The following DIS3L2 variants were observed in gnomAD, a reference collection of about 807,000 sequenced individuals.
DIS3L2 encodes DIS3 like 3'-5' exoribonuclease 2.
Under a neutral mutation model 97.5 loss-of-function variants are expected in DIS3L2, and 34 were observed. That is an observed-to-expected ratio of 0.35 (90% CI 0.27 to 0.46). The LOEUF (loss-of-function observed/expected upper bound fraction) is 0.46, where lower values mean the gene tolerates loss of function less well. DIS3L2 is among the 20% of genes least tolerant of loss of function. DIS3L2 has a pLI of 1.00. For missense variants in DIS3L2, 1,038 were observed against 1,146.0 expected (o/e 0.91, Z 1.36); for synonymous variants, 435 against 445.2 (o/e 0.98, Z 0.29).
intron 3 of DIS3L2, among the ~76,000 whole-genome samples, chr2:232,016,575 G>A (rs1218573046): frequency 6.6e-6 from 1 of 152,104 alleles, no homozygotes; most frequent in Non-Finnish European, 1.5e-5. Flanking sequence ...TGAGTGATAT[G>A]TGTGTGGGAG....
chr2:231,972,322 T>C (rs545360879), intron 1 of DIS3L2, among the ~76,000 whole-genome samples: 1 of 152,358 alleles, frequency 6.6e-6, no homozygotes, highest in Admixed American at 6.5e-5. Flanking sequence ...TAATTGTATC[T>C]GCCATACTTT....
At chr2:232,133,880 G>A (rs1018936060) in intron 7 of DIS3L2, among the ~76,000 whole-genome samples, 32 of 150,638 alleles carry the variant, frequency 2.1e-4, no homozygotes, top group Non-Finnish European at 3.0e-5. Flanking sequence ...CCCAGCTACT[G>A]GGGAGGCTGA....
intron 13 of DIS3L2, among the ~76,000 whole-genome samples, chr2:232,288,674 G>A (rs1343065012): frequency 6.6e-6 from 1 of 152,222 alleles, no homozygotes; most frequent in Non-Finnish European, 1.5e-5. Flanking sequence ...CAAGAATACA[G>A]CCAGCTTGAT....
At chr2:232,219,413 G>T (rs1252190714) in intron 10 of DIS3L2, among the ~76,000 whole-genome samples, 1 of 152,048 alleles carries the variant, frequency 6.6e-6, no homozygotes, top group Non-Finnish European at 1.5e-5. Flanking sequence ...CCTTTTTCTG[G>T]TTCTTGCCTT....
chr2:232,337,230 G>C (rs143958456), downstream of DIS3L2: 3 of 898,132 alleles, frequency 3.3e-6, no homozygotes, highest in East Asian at 1.1e-4. Context: ...GAATGTGACT[G>C]TGTCTGACGA....
intron 5 of DIS3L2, among the ~76,000 whole-genome samples, chr2:232,076,981 T>A (rs1696208496): frequency 1.3e-5 from 2 of 152,196 alleles, no homozygotes. Context: ...CCCCTTAAAA[T>A]GCTGACATCA....
At chr2:232,342,225 A>G (rs1486246994) in intron 13 of DIS3L2, among the ~76,000 whole-genome samples, 2 of 148,606 alleles carry the variant, frequency 1.3e-5, no homozygotes, top group Non-Finnish European at 3.0e-5. Context: ...ATATACACAT[A>G]CATATATACA....
chr2:232,257,498 A>T (rs926323979), intron 12 of DIS3L2, among the ~76,000 whole-genome samples: 3 of 151,488 alleles, frequency 2.0e-5, no homozygotes, highest in Admixed American at 6.6e-5. Flanking sequence ...AATCCACTCC[A>T]CCTCCCTCCC....
intron 5 of DIS3L2, among the ~76,000 whole-genome samples, chr2:232,033,959 G>T (rs1694882956): frequency 6.6e-6 from 1 of 152,146 alleles, no homozygotes; most frequent in African/African-American, 2.4e-5. Flanking sequence ...CTGGGTTTTG[G>T]TATCAGGATG....
chr2:232,280,560 C>G (rs1024472127), intron 13 of DIS3L2, among the ~76,000 whole-genome samples: 3 of 152,296 alleles, frequency 2.0e-5, no homozygotes, highest in Non-Finnish European at 4.4e-5. Flanking sequence ...TTATAGTCAA[C>G]AAGGCAGCTT....
rs938583440 is a variant in DIS3L2 at position 232,292,185 on chromosome 2, A to G, written c.1660-7855A>G. On this transcript the variant is annotated intron_variant, in intron 13 of 20. Transcript: ENST00000325385. This position sits in a 1 kb window ranked among gnomAD's most constrained non-coding sequence, Gnocchi z 4.4. ...CTGTCTTCACCAGGCTGGGATCCAA[A>G]ATAAGGTCACATATCTTTTAATAGT... Among the ~76,000 whole-genome samples, 4 of 152,140 alleles carry G rather than the reference A, an allele frequency of 2.6e-5. No individual in the cohort carries two copies. Among genetic ancestry groups the G allele is most frequent in the African/African-American group, 9.7e-5 (4 of 41,420 alleles).
intron 5 of DIS3L2, among the ~76,000 whole-genome samples, chr2:232,080,586 T>C (rs1032876722): frequency 2.0e-5 from 3 of 152,080 alleles, no homozygotes; most frequent in Non-Finnish European, 4.4e-5. Context: ...TCTCCTCCTT[T>C]TTTTCCCTTT....
chr2:232,155,694 T>C (rs1017282869), intron 8 of DIS3L2, among the ~76,000 whole-genome samples: 8 of 152,194 alleles, frequency 5.3e-5, no homozygotes, highest in South Asian at 2.1e-4. Context: ...AGATGAGGAA[T>C]AGAAAATGTT....
At chr2:232,221,787 G>A (rs1355220344) in intron 10 of DIS3L2, among the ~76,000 whole-genome samples, 1 of 152,044 alleles carries the variant, frequency 6.6e-6, no homozygotes, top group African/African-American at 2.4e-5. Flanking sequence ...GGTGACAAGA[G>A]TGAAACTCCG....
At chr2:232,209,541 G>T (rs996290300) in intron 9 of DIS3L2, among the ~76,000 whole-genome samples, 2 of 152,180 alleles carry the variant, frequency 1.3e-5, no homozygotes, top group African/African-American at 4.8e-5. Context: ...CTAGAGTGTG[G>T]CATGGGGGCA....
chr2:232,018,483 C>A (rs1203551868), intron 3 of DIS3L2, among the ~76,000 whole-genome samples: 1 of 152,132 alleles, frequency 6.6e-6, no homozygotes, highest in Non-Finnish European at 1.5e-5. Flanking sequence ...GGCAGAGAAA[C>A]AGAGTCCATC....
At chr2:232,017,741 C>T (rs922331985) in intron 3 of DIS3L2, among the ~76,000 whole-genome samples, 1 of 152,172 alleles carries the variant, frequency 6.6e-6, no homozygotes, top group African/African-American at 2.4e-5. Flanking sequence ...GCTTGGAATG[C>T]TTTCTCCTGC....
intron 5 of DIS3L2, among the ~76,000 whole-genome samples, chr2:232,054,524 A>G (rs980203973): frequency 1.3e-5 from 2 of 152,216 alleles, no homozygotes; most frequent in African/African-American, 4.8e-5. Context: ...TCATTAGGGA[A>G]AGAACAACCA....
rs986106791 is a variant in DIS3L2 at position 232,161,205 on chromosome 2, C to T, written c.951-2254C>T. Among the ~76,000 whole-genome samples, 9 of 152,190 alleles carry T rather than the reference C, an allele frequency of 5.9e-5. No homozygotes were observed. In the South Asian group the frequency reaches 6.2e-4, roughly 11 times the overall value. Reference sequence around the variant, plus strand: ...TGCTGGGATTACAGGCGTGAGCCACCGCGCCCAGCCTATTTGTTCATTTTC... The same window carrying T: ...TGCTGGGATTACAGGCGTGAGCCACTGCGCCCAGCCTATTTGTTCATTTTC... On this transcript the variant is annotated intron_variant, in intron 8 of 20. Coordinates refer to ENST00000325385, the MANE Select transcript of DIS3L2 (RefSeq NM_152383.5).
Sources: gnomAD v4.1 joint callset for allele counts (sites outside exome capture counted in the v4.1 genomes callset) on GRCh38, gnomAD v4.1.1 for gene constraint, Gnocchi (gnomAD v3.1) non-coding constraint, MANE v1.5 for transcripts, NCBI Gene and HGNC (gene_info 2026-07-23, HGNC 2026-07-21) for gene names.